GLIS3: variants seen among roughly 807,000 people sequenced by gnomAD.
The protein encoded by GLIS3 is GLIS family zinc finger 3, also known as zinc finger protein GLIS3.
GLIS3 carries 53 observed loss-of-function variants against 78.6 expected under a neutral mutation model. The observed-to-expected ratio is 0.67, with a 90% confidence interval of 0.54 to 0.85. GLIS3 has a LOEUF of 0.85. Among genes scored for constraint, GLIS3 ranks in the 40% least tolerant of loss-of-function variants. The pLI, the probability that GLIS3 is intolerant of heterozygous loss-of-function variation, is 0.00. For synonymous variants in GLIS3, 684 were observed against 509.9 expected (o/e 1.34, Z -4.60); for missense variants, 1,703 against 1,231.1 (o/e 1.38, Z -5.74).
chr9:4,091,660 T>A (rs1012163122), intron 4 of GLIS3, among the ~76,000 whole-genome samples: 6 of 152,018 alleles, frequency 3.9e-5, no homozygotes, highest in Admixed American at 3.9e-4. Flanking sequence ...ATGGCGAGCA[T>A]CCCCCTTCGC....
chr9:3,891,344 T>A lies in GLIS3; in HGVS notation c.2128+7347A>T, dbSNP rs1198776151. On this transcript the variant is annotated intron_variant, in intron 7 of 10. Coordinates refer to ENST00000381971, the MANE Select transcript of GLIS3 (RefSeq NM_001042413.2). ...GTCATTTCCATTTATAAATGTTACA[T>A]TTGAGCATAGATTGGCTAAAGCGAT... Among the ~76,000 whole-genome samples, 8 of 152,146 alleles carry A rather than the reference T, an allele frequency of 5.3e-5. No homozygotes were observed. The East Asian group carries it at 1.5e-3, about 29-fold the overall frequency.
the GLIS3 span, among the ~76,000 whole-genome samples, chr9:4,464,692 G>A: frequency 2.0e-5 from 3 of 152,112 alleles, no homozygotes; most frequent in East Asian, 5.8e-4. Flanking sequence ...ACCATGCCTG[G>A]CCTGATATTT....
chr9:4,435,724 C>A, the GLIS3 span, among the ~76,000 whole-genome samples: 4 of 152,126 alleles, frequency 2.6e-5, no homozygotes, highest in South Asian at 8.3e-4. Context: ...CCAAGGCGGG[C>A]GGATCATGAG....
intron 4 of GLIS3, chr9:4,054,153 C>A: frequency 5.8e-6 from 1 of 171,190 alleles, no homozygotes; most frequent in Non-Finnish European, 1.2e-5. Context: ...AGAGGTTAAC[C>A]ACCCACCCAA....
At position 4,215,277 on chromosome 9, in the gene GLIS3, T is replaced by G. The variant is rs78358889; in HGVS notation, c.388+70761A>C. Among the ~76,000 whole-genome samples the G allele has an allele frequency of 7.5e-3, 1,142 of 152,254 alleles. 19 individuals are homozygous for G. Among genetic ancestry groups the G allele is most frequent in the African/African-American group, 0.025 (1,054 of 41,536 alleles). On this transcript the variant is annotated intron_variant, in intron 2 of 10. Coordinates refer to ENST00000381971, the MANE Select transcript of GLIS3 (RefSeq NM_001042413.2). ...TCTAAACATCCACATGCACCGTTAT[T>G]GGCCACAGTTTTGCCTGTGAGGGGA... is the stretch of plus-strand genomic sequence containing the variant.
intron 4 of GLIS3, among the ~76,000 whole-genome samples, chr9:3,952,898 C>CCTGGG (rs1324120125): frequency 3.3e-5 from 5 of 152,150 alleles, no homozygotes; most frequent in African/African-American, 1.2e-4. Flanking sequence ...CTTCGTTTAG[C>CCTGGG]AAGGTCCTGG....
intron 2 of GLIS3, among the ~76,000 whole-genome samples, chr9:4,269,747 G>A (rs909193109): frequency 2.6e-5 from 4 of 152,092 alleles, no homozygotes; most frequent in African/African-American, 9.7e-5. Context: ...GGTAAATAAT[G>A]CTGTCTATTA....
At chr9:3,957,914 G>A (rs1335172910) in intron 4 of GLIS3, among the ~76,000 whole-genome samples, 1 of 152,172 alleles carries the variant, frequency 6.6e-6, no homozygotes, top group Non-Finnish European at 1.5e-5. Context: ...CGTGGGACTG[G>A]CAACCAAGAC....
the GLIS3 span, among the ~76,000 whole-genome samples, chr9:4,476,479 A>G: frequency 1.3e-5 from 2 of 152,100 alleles, no homozygotes; most frequent in East Asian, 3.9e-4. Context: ...CTCCTGCCTC[A>G]GCCTCCCAAG....
At chr9:4,116,269 T>C (rs1831630425) in intron 4 of GLIS3, among the ~76,000 whole-genome samples, 1 of 152,252 alleles carries the variant, frequency 6.6e-6, no homozygotes, top group Non-Finnish European at 1.5e-5. Flanking sequence ...ATGTCTTTCC[T>C]GCCTGCAATA....
intron 4 of GLIS3, among the ~76,000 whole-genome samples, chr9:3,997,373 A>T (rs144401098): frequency 3.3e-5 from 5 of 151,790 alleles, no homozygotes; most frequent in African/African-American, 1.2e-4. Flanking sequence ...ATAAAAATAA[A>T]AATAAAATAA....
At chr9:4,219,401 A>AT (rs1344930994) in intron 2 of GLIS3, among the ~76,000 whole-genome samples, 2 of 152,264 alleles carry the variant, frequency 1.3e-5, no homozygotes, top group African/African-American at 4.8e-5. Context: ...CCCCAGGCCC[A>AT]TTGACTGCAT....
intron 9 of GLIS3, among the ~76,000 whole-genome samples, chr9:3,837,767 G>A (rs1395687475): frequency 6.6e-6 from 1 of 152,196 alleles, no homozygotes; most frequent in East Asian, 1.9e-4. Context: ...TCCACAGGTT[G>A]GGGGGAGGGA....
chr9:4,283,154 C>T (rs546867057), intron 2 of GLIS3, among the ~76,000 whole-genome samples: 20 of 152,190 alleles, frequency 1.3e-4, no homozygotes, highest in Admixed American at 9.8e-4. Flanking sequence ...AAAGCTAGCT[C>T]TTTACCTTCC....
At chr9:4,384,790 C>G in the GLIS3 span, among the ~76,000 whole-genome samples, 3 of 152,076 alleles carry the variant, frequency 2.0e-5, no homozygotes, top group African/African-American at 4.8e-5. Flanking sequence ...GCTCCCATGT[C>G]TCCCACTCCC....
At chr9:4,364,226 G>A in the GLIS3 span, among the ~76,000 whole-genome samples, 5 of 152,200 alleles carry the variant, frequency 3.3e-5, no homozygotes, top group African/African-American at 4.8e-5. Flanking sequence ...TTAACAAACA[G>A]AACAACTAAT....
intron 2 of GLIS3, among the ~76,000 whole-genome samples, chr9:4,196,741 G>C (rs1289850837): frequency 5.3e-5 from 8 of 152,184 alleles, no homozygotes; most frequent in Non-Finnish European, 1.5e-5. Flanking sequence ...CACTCACCGT[G>C]AGGGTCCGCA....
chr9:4,335,600 G>C (rs537117112), intron 2 of GLIS3, among the ~76,000 whole-genome samples: 12 of 152,262 alleles, frequency 7.9e-5, no homozygotes, highest in African/African-American at 2.4e-4. Context: ...CGTTAACCTA[G>C]CTTACACCTG....
At chr9:4,024,576 T>G (rs565136422) in intron 4 of GLIS3, among the ~76,000 whole-genome samples, 1 of 152,278 alleles carries the variant, frequency 6.6e-6, no homozygotes, top group East Asian at 1.9e-4. Flanking sequence ...AATGATTTAC[T>G]GGTGGGAAGC....
Sources: allele counts gnomAD v4.1 joint callset (sites outside exome capture counted in the v4.1 genomes callset), GRCh38; gene constraint gnomAD v4.1.1; transcripts MANE v1.5; gene names NCBI Gene and HGNC (gene_info 2026-07-23, HGNC 2026-07-21).